TMEM178B: variants seen among roughly 807,000 people sequenced by gnomAD.
TMEM178B encodes the protein transmembrane protein 178B.
In TMEM178B, 5 loss-of-function variants were observed where a neutral mutation model predicts 31.0. That is an observed-to-expected ratio of 0.16 (90% CI 0.08 to 0.34). TMEM178B has a LOEUF of 0.34. TMEM178B is among the 10% of genes least tolerant of loss of function. The probability of loss-of-function intolerance (pLI) is 1.00; values close to 1 mark genes in which losing one functional copy is unlikely to be tolerated. For missense variants in TMEM178B, 275 were observed against 400.3 expected (o/e 0.69, Z 2.67); for synonymous variants, 164 against 164.0 (o/e 1.00, Z 0.00).
At chr7:141,266,948 C>G (rs1413133470) in intron 2 of TMEM178B, among the ~76,000 whole-genome samples, 2 of 152,210 alleles carry the variant, frequency 1.3e-5, no homozygotes, top group East Asian at 3.9e-4. Flanking sequence ...TGTCCACAAG[C>G]CCACAGGGCC....
intron 3 of TMEM178B, among the ~76,000 whole-genome samples, chr7:141,444,990 C>T (rs527832014): frequency 3.9e-5 from 6 of 152,004 alleles, no homozygotes; most frequent in Non-Finnish European, 5.9e-5. Flanking sequence ...TGGAGGAGAC[C>T]GCGGCCAGAA....
rs1409774193 is a variant in TMEM178B at position 141,475,594 on chromosome 7, G to T, written c.*4808G>T. ...TGGCAGCTGGGGCCATGTGAGCAGT[G>T]TACACCACAGAACCGCACTGGTCTG... On this transcript the variant is annotated 3_prime_UTR_variant, in exon 4 of 4. Transcript: ENST00000565468. 6.6e-6 allele frequency: 1 copy of T among 152,224 alleles called. No individual in the cohort carries two copies. Among genetic ancestry groups the T allele is most frequent in the Non-Finnish European group, 1.5e-5 (1 of 68,094 alleles). The allele number at this position is 152,224 out of a possible 1,614,324, so 9.4% of individuals were successfully genotyped here.
chr7:141,467,915 G>T (rs116158160), intron 3 of TMEM178B, among the ~76,000 whole-genome samples: 4,436 of 149,854 alleles, frequency 0.03, 170 homozygotes, highest in African/African-American at 0.086. Flanking sequence ...ACTCGCCCTG[G>T]AGTCTATGGG....
At chr7:141,154,847 A>G (rs1197653473) in intron 1 of TMEM178B, among the ~76,000 whole-genome samples, 5 of 151,400 alleles carry the variant, frequency 3.3e-5, no homozygotes, top group Non-Finnish European at 7.4e-5. Flanking sequence ...CTCCTGCCTT[A>G]GCCTCCCAAG....
intron 3 of TMEM178B, among the ~76,000 whole-genome samples, chr7:141,450,901 G>A (rs1275993913): frequency 6.6e-6 from 1 of 152,132 alleles, no homozygotes; most frequent in Non-Finnish European, 1.5e-5. Context: ...CTTAATCTAA[G>A]GTCTTCAGAC....
At chr7:141,408,745 C>G (rs1800930111) in intron 2 of TMEM178B, among the ~76,000 whole-genome samples, 1 of 152,188 alleles carries the variant, frequency 6.6e-6, no homozygotes, top group Non-Finnish European at 1.5e-5. Flanking sequence ...AATAAAGAAG[C>G]CAGCTTAGTC....
chr7:141,104,863 A>C (rs1361737375), intron 1 of TMEM178B, among the ~76,000 whole-genome samples: 1 of 152,142 alleles, frequency 6.6e-6, no homozygotes, highest in African/African-American at 2.4e-5. Context: ...GTTTTACCTT[A>C]ACTACCTCTG....
In TMEM178B at chr7:141,262,245, G is replaced by T. The variant is rs115817463; in HGVS notation, c.496+49541G>T. 6.0e-3 allele frequency among the ~76,000 whole-genome samples: 920 copies of T among 152,078 alleles called. 9 individuals are homozygous for T. Among genetic ancestry groups the T allele is most frequent in the African/African-American group, 0.021 (885 of 41,470 alleles). Reference sequence around the variant, plus strand: ...GCTCAGCAAGTGTCCACTTTTTCAGGCTCTGATTTTGAGTGGAATCTATAG... The same window carrying T: ...GCTCAGCAAGTGTCCACTTTTTCAGTCTCTGATTTTGAGTGGAATCTATAG... On this transcript the variant is annotated intron_variant, in intron 2 of 3. Coordinates refer to ENST00000565468, the MANE Select transcript of TMEM178B (RefSeq NM_001195278.2).
chr7:141,501,784 GT>G, the TMEM178B span, among the ~76,000 whole-genome samples: 3 of 152,074 alleles, frequency 2.0e-5, no homozygotes, highest in Admixed American at 6.6e-5. Context: ...TACCCTGCAG[GT>G]TTTTGGACTT....
intron 2 of TMEM178B, among the ~76,000 whole-genome samples, chr7:141,369,271 T>C (rs932397523): frequency 2.0e-5 from 3 of 152,100 alleles, no homozygotes; most frequent in African/African-American, 7.2e-5. Flanking sequence ...TCATTATTAT[T>C]CTTTTCCAGT....
In TMEM178B at chr7:141,247,612, T is replaced by A. The variant is rs183466262; in HGVS notation, c.496+34908T>A. On this transcript the variant is annotated intron_variant, in intron 2 of 3. Transcript: ENST00000565468. ...GGGAAAGGGAAAGAGGATGGAGCCATGCTTTGTCTTTGTATTTCTAGTGGA... is the reference window on the plus strand; with the variant it reads ...GGGAAAGGGAAAGAGGATGGAGCCAAGCTTTGTCTTTGTATTTCTAGTGGA... Among the ~76,000 whole-genome samples the A allele has an allele frequency of 2.3e-3, 351 of 152,250 alleles. 1 individual carries two copies. Among genetic ancestry groups the A allele is most frequent in the Non-Finnish European group, 4.4e-3 (297 of 68,012 alleles).
At chr7:141,258,209 T>C (rs1797958988) in intron 2 of TMEM178B, among the ~76,000 whole-genome samples, 1 of 151,674 alleles carries the variant, frequency 6.6e-6, no homozygotes, top group Non-Finnish European at 1.5e-5. Flanking sequence ...ATGTATTTCA[T>C]CTTCATATGT....
In TMEM178B at chr7:141,258,576, T is replaced by C. The variant is rs746137040; in HGVS notation, c.496+45872T>C. On this transcript the variant is annotated intron_variant, in intron 2 of 3. Coordinates refer to ENST00000565468, the MANE Select transcript of TMEM178B (RefSeq NM_001195278.2). ...CTGTTTTCTTCATGTGGATTCACGTTACAGCCCAATGTCATTTCCTTTCAG... is the reference window on the plus strand; with the variant it reads ...CTGTTTTCTTCATGTGGATTCACGTCACAGCCCAATGTCATTTCCTTTCAG... 5.9e-5 allele frequency among the ~76,000 whole-genome samples: 9 copies of C among 152,362 alleles called. 1 individual carries two copies. In the Middle Eastern group the frequency reaches 0.014, roughly 230 times the overall value.
chr7:141,315,588 A>G (rs1444031228), intron 2 of TMEM178B, among the ~76,000 whole-genome samples: 1 of 152,226 alleles, frequency 6.6e-6, no homozygotes, highest in African/African-American at 2.4e-5. Flanking sequence ...CTCTGCACTT[A>G]GGTTACATTT....
intron 1 of TMEM178B, among the ~76,000 whole-genome samples, chr7:141,095,995 G>A (rs912267294): frequency 6.6e-6 from 1 of 152,172 alleles, no homozygotes; most frequent in Non-Finnish European, 1.5e-5. Context: ...TGATGGTAAC[G>A]TAGGCAACCA....
chr7:141,136,984 A>C (rs2109800), intron 1 of TMEM178B, among the ~76,000 whole-genome samples: 118,243 of 152,130 alleles, frequency 0.78, 46,160 homozygotes, highest in Middle Eastern at 0.85. Context: ...AGGGAAATGC[A>C]AATTAAAGCC....
chr7:141,425,910 T>TC lies in TMEM178B; in HGVS notation c.497-11691dup, dbSNP rs961707857. ...CTTCTTGTTTCCACAGAAACTACCTTCCCCCCCTATCTCTTCCTGACTTGG... is the reference window on the plus strand; with the variant it reads ...CTTCTTGTTTCCACAGAAACTACCTTCCCCCCCCTATCTCTTCCTGACTTGG... On this transcript the variant is annotated intron_variant, in intron 2 of 3. Coordinates refer to ENST00000565468, the MANE Select transcript of TMEM178B (RefSeq NM_001195278.2). 6.6e-5 allele frequency among the ~76,000 whole-genome samples: 10 copies of TC among 152,014 alleles called. No homozygotes were observed. In the South Asian group the frequency reaches 8.3e-4, roughly 13 times the overall value.
intron 2 of TMEM178B, among the ~76,000 whole-genome samples, chr7:141,248,378 T>C (rs1797773968): frequency 6.6e-6 from 1 of 152,116 alleles, no homozygotes; most frequent in Admixed American, 6.6e-5. Context: ...GCCACTGCAC[T>C]CCAGCCTAGC....
rs548497073 is a variant in TMEM178B, at chr7:141,254,128, G to A, written c.496+41424G>A. On this transcript the variant is annotated intron_variant, in intron 2 of 3. Coordinates refer to ENST00000565468, the MANE Select transcript of TMEM178B (RefSeq NM_001195278.2). Reference sequence around the variant, plus strand: ...GAGAATCTTCCCGGTGGAAAGGAAGGACATTTATTTGAATCTGCTTTGTTT... The same window carrying A: ...GAGAATCTTCCCGGTGGAAAGGAAGAACATTTATTTGAATCTGCTTTGTTT... Among the ~76,000 whole-genome samples, 19 of 152,316 alleles carry A rather than the reference G, an allele frequency of 1.2e-4. No homozygotes were observed. In the South Asian group the frequency reaches 3.9e-3, roughly 32 times the overall value.
Sources: gnomAD v4.1 joint callset for allele counts (sites outside exome capture counted in the v4.1 genomes callset) on GRCh38, gnomAD v4.1.1 for gene constraint, MANE v1.5 for transcripts, NCBI Gene and HGNC (gene_info 2026-07-23, HGNC 2026-07-21) for gene names.